LYST: variants seen among roughly 807,000 people sequenced by gnomAD.
The protein encoded by LYST is lysosomal trafficking regulator, also known as lysosomal-trafficking regulator.
In LYST, 192 loss-of-function variants were observed where a neutral mutation model predicts 413.6. The observed-to-expected ratio is 0.46, with a 90% CI of 0.41 to 0.52. LYST has a LOEUF of 0.52. Ranked by LOEUF, LYST falls within the 20% of genes least tolerant of loss-of-function variation. The probability of loss-of-function intolerance (pLI) is 0.00; values close to 1 mark genes in which losing one functional copy is unlikely to be tolerated. For synonymous variants in LYST, 1,525 were observed against 1,567.3 expected (o/e 0.97, Z 0.64); for missense variants, 3,815 against 4,499.9 (o/e 0.85, Z 4.35).
At chr1:235,819,750 A>G (rs1325733563) in intron 3 of LYST, among the ~76,000 whole-genome samples, 1 of 152,144 alleles carries the variant, frequency 6.6e-6, no homozygotes, top group Non-Finnish European at 1.5e-5. Context: ...GGTTCACACC[A>G]TTCTCCTGCC....
intron 10 of LYST, among the ~76,000 whole-genome samples, chr1:235,798,771 G>T (rs1055279770): frequency 6.6e-6 from 1 of 152,058 alleles, no homozygotes; most frequent in African/African-American, 2.4e-5. Context: ...CCATTTATAT[G>T]AAAAATATCC....
At chr1:235,852,359 C>G (rs536435947) in intron 1 of LYST, among the ~76,000 whole-genome samples, 5 of 152,314 alleles carry the variant, frequency 3.3e-5, no homozygotes, top group Admixed American at 1.3e-4. Context: ...TACCTCAAAG[C>G]CATTTGTGGT....
chr1:235,842,002 T>C (rs1423341629), intron 1 of LYST, among the ~76,000 whole-genome samples: 1 of 152,052 alleles, frequency 6.6e-6, no homozygotes. Context: ...TGGAAAACCA[T>C]GAATTTCTGG....
Position 235,757,949 on chromosome 1 carries a change from C to T in LYST, c.6882-491G>A, listed in dbSNP as rs150530757. On this transcript the variant is annotated intron_variant, in intron 23 of 52. Coordinates refer to ENST00000389793, the MANE Select transcript of LYST (RefSeq NM_000081.4). ...AGGAGTCTAGGCATGTCAGAAAAACCCAGTTCACTCACAGAGAAGAGAGGC... is the reference window on the plus strand; with the variant it reads ...AGGAGTCTAGGCATGTCAGAAAAACTCAGTTCACTCACAGAGAAGAGAGGC... 1.8e-4 allele frequency among the ~76,000 whole-genome samples: 27 copies of T among 151,568 alleles called. 1 individual carries two copies. The East Asian group carries it at 5.0e-3, about 28-fold the overall frequency.
At chr1:235,730,979 ATG>A (rs774672433) in intron 35 of LYST, 36 bp from the exon 36 acceptor site, 1 of 1,605,610 alleles carries the variant, frequency 6.2e-7, no homozygotes, top group East Asian at 2.2e-5. Context: ...TCTTTATCTA[ATG>A]ACCATAGTTC....
intron 48 of LYST, among the ~76,000 whole-genome samples, chr1:235,678,966 T>C (rs1024635220): frequency 1.3e-5 from 2 of 152,224 alleles, no homozygotes; most frequent in East Asian, 1.9e-4. Flanking sequence ...TGTGTTGATA[T>C]ATTAGGTACA....
intron 1 of LYST, among the ~76,000 whole-genome samples, chr1:235,861,776 G>A (rs1679910476): frequency 2.0e-5 from 3 of 152,178 alleles, no homozygotes; most frequent in African/African-American, 7.2e-5. Flanking sequence ...ATAGGCACAA[G>A]CCATGGCTCC....
Position 235,715,295 on chromosome 1 carries a change from G to C in LYST, c.9690C>G (p.Pro3230=). The C allele has an allele frequency of 1.2e-6, 2 of 1,613,630 alleles. No individual in the cohort carries two copies. The highest frequency in any genetic ancestry group is 1.7e-6 in the Non-Finnish European group (2 of 1,179,568). The change falls in exon 42 of 53, where the codon CCC becomes CCG. Residue 3230 remains proline, a synonymous_variant. Coordinates refer to ENST00000389793, the MANE Select transcript of LYST (RefSeq NM_000081.4). ...REDDPMPPVQ[P]YHYGSHYSNS... is the part of the protein sequence containing the mutation. The stretch of plus-strand genomic sequence containing the variant: ...TGGAATAGTGGGAGCCATAGTGATA[G>C]GGCTGCACGGGAGGCATGGGGTCAT...
At chr1:235,688,984 AAATAATAATAATAATAATAATAAT>A (rs35849101) in intron 47 of LYST, among the ~76,000 whole-genome samples, 3 of 135,932 alleles carry the variant, frequency 2.2e-5, no homozygotes, top group African/African-American at 8.4e-5. Context: ...ACTCCGTCTC[AAATAATAATAATAATAATAATAAT>A]AATAATAATA....
In LYST at chr1:235,752,184, AC is replaced by A. The variant is rs1322508687; in HGVS notation, c.7461-14del. 1 of 1,583,548 alleles carries A rather than the reference AC, an allele frequency of 6.3e-7. No individual in the cohort carries two copies. Among genetic ancestry groups the A allele is most frequent in the Admixed American group, 1.7e-5 (1 of 59,800 alleles). On this transcript the variant is annotated splice_polypyrimidine_tract_variant and intron_variant, in intron 26 of 52. Transcript: ENST00000389793. ...ACTCATGGGAATGCTAAAGATAACA[AC>A]AAAAGAAGAAAACAGAACATTTATA... is the stretch of plus-strand genomic sequence containing the variant.
At chr1:235,869,384 A>C (rs1680828885), upstream of LYST, among the ~76,000 whole-genome samples, 1 of 152,230 alleles carries the variant, frequency 6.6e-6, no homozygotes. Flanking sequence ...AGGCAGGAGA[A>C]TAGCGTGAAC....
chr1:235,669,685 G>A (rs1003269426), intron 50 of LYST, among the ~76,000 whole-genome samples: 2 of 152,196 alleles, frequency 1.3e-5, no homozygotes, highest in African/African-American at 2.4e-5. Context: ...CCTCCGCAGG[G>A]TATTTGTACC....
At chr1:235,862,435 T>A (rs1317907666) in intron 1 of LYST, among the ~76,000 whole-genome samples, 1 of 152,336 alleles carries the variant, frequency 6.6e-6, no homozygotes, top group East Asian at 1.9e-4. Flanking sequence ...AATCTCATCC[T>A]GCCCTATAGT....
rs566777948 is a variant in LYST, at chr1:235,751,354, C to T, written c.7636G>A (p.Val2546Ile). The change falls in exon 28 of 53, where the codon GTT (valine) becomes ATT (isoleucine). Residue 2546 changes from valine to isoleucine, a missense_variant. Physicochemically the swap from Val to Ile is conservative, Grantham distance 29. Around this residue, in one of 4 missense-constraint regions of LYST, gnomAD observed 771 missense variants for 837.1 expected, o/e 0.92. Transcript: ENST00000389793. ...TGGAGAACTCTAAGCTGTAGTGCAA[C>T]AGCCATATCTAAAAACAGAAGATAC... ...SKNKRTQNMAVALQLRVLQAA... is the reference protein window; with the variant it reads ...SKNKRTQNMAIALQLRVLQAA... 2.2e-5 allele frequency: 35 copies of T among 1,613,250 alleles called. No homozygotes were observed. The South Asian group carries it at 2.9e-4, about 13-fold the overall frequency.
At chr1:235,863,363 G>C (rs1282416568) in intron 1 of LYST, among the ~76,000 whole-genome samples, 2 of 151,860 alleles carry the variant, frequency 1.3e-5, no homozygotes. Context: ...CTACACTCCA[G>C]CCTGGGTGAC....
chr1:235,681,373 G>A (rs1249063759), intron 48 of LYST, among the ~76,000 whole-genome samples: 1 of 152,142 alleles, frequency 6.6e-6, no homozygotes, highest in Non-Finnish European at 1.5e-5. Context: ...AGGCAGAGAG[G>A]GGTCAGAGCA....
intron 47 of LYST, among the ~76,000 whole-genome samples, chr1:235,692,681 G>A (rs114877472): frequency 7.6e-4 from 116 of 152,000 alleles, no homozygotes; most frequent in African/African-American, 2.6e-3. Context: ...ACTGTGCCCA[G>A]CCAGTCTGAC....
At chr1:235,712,755 T>G (rs531683628) in intron 42 of LYST, 33 of 985,322 alleles carry the variant, frequency 3.3e-5, no homozygotes, top group Middle Eastern at 1.0e-3. Context: ...GCTAAAGAAT[T>G]GAGTAAAATT....
chr1:235,828,786 C>G (rs1480250927), intron 3 of LYST: 1 of 816,766 alleles, frequency 1.2e-6, no homozygotes, highest in Admixed American at 6.2e-5. Context: ...CAAAATAAAT[C>G]ACTATACATG....
Sources: gnomAD v4.1 joint callset for allele counts (sites outside exome capture counted in the v4.1 genomes callset) on GRCh38, gnomAD v4.1.1 for gene constraint, gnomAD v4.1.1 regional missense constraint, MANE v1.5 for transcripts, NCBI Gene and HGNC (gene_info 2026-07-23, HGNC 2026-07-21) for gene names.